GALNS: variants seen among roughly 807,000 people sequenced by gnomAD.
The protein encoded by GALNS is galactosamine (N-acetyl)-6-sulfatase.
In GALNS, 65 loss-of-function variants were observed where a neutral mutation model predicts 65.9. The ratio of observed to expected loss-of-function variants is 0.99; its 90% CI spans 0.81 to 1.21. The LOEUF (loss-of-function observed/expected upper bound fraction) is 1.21. GALNS is among the 50% of genes most tolerant of loss of function. GALNS has a pLI of 0.00. For missense variants in GALNS, 776 were observed against 700.7 expected (o/e 1.11, Z -1.21); for synonymous variants, 346 against 288.9 (o/e 1.20, Z -2.00).
chr16:88,856,144 C>T, intron 1 of GALNS: 1 of 702,526 alleles, frequency 1.4e-6, no homozygotes, highest in South Asian at 1.5e-5. Flanking sequence ...ACCCCTGACC[C>T]CGCACTTGCC....
At chr16:88,819,225 G>T (rs375303703) in intron 12 of GALNS, among the ~76,000 whole-genome samples, 3 of 143,540 alleles carry the variant, frequency 2.1e-5, no homozygotes, top group Non-Finnish European at 4.6e-5. Context: ...CTTTCTGCTC[G>T]ATCCACCCAC....
In GALNS at chr16:88,842,062, C is replaced by T. The variant is rs769040142; in HGVS notation, c.245-91G>A. The T allele has an allele frequency of 6.9e-5, 79 of 1,138,952 alleles. No homozygotes were observed. In the East Asian group the frequency reaches 1.9e-3, roughly 27 times the overall value. 70.6% of individuals were successfully genotyped at this position (1,138,952 alleles called of 1,614,324 possible). A position where few individuals can be genotyped will look rare whatever the true frequency, so the allele number is the denominator to read the frequency against. On this transcript the variant is annotated intron_variant, in intron 2 of 13. Coordinates refer to ENST00000268695, the MANE Select transcript of GALNS (RefSeq NM_000512.5). ...AAGAGCCCCAACGAGTAGACAGACG[C>T]GTGACAGACGAGGCACGCGCAGGTT... is the stretch of plus-strand genomic sequence containing the variant.
rs748796648 is a variant in GALNS, at chr16:88,822,662, T to C, written c.1291A>G (p.Asn431Asp). ...GGCAGCTTCGTGTGGTCTTCCAGAT[T>C]GTGAGTTGTGACCCCTGAAACGTTC... ...GQNVSGVTTH[N>D]LEDHTKLPLI... Residue 431 changes from asparagine (N) to aspartate (D), a missense_variant, in exon 12 of 14, where the codon AAT becomes GAT. Coordinates refer to ENST00000268695, the MANE Select transcript of GALNS (RefSeq NM_000512.5). 1.2e-6 allele frequency: 2 copies of C among 1,613,064 alleles called. No homozygotes were observed. The highest frequency in any genetic ancestry group is 1.1e-5 in the South Asian group (1 of 91,076).
intron 13 of GALNS, chr16:88,815,843 G>T: frequency 1.0e-6 from 1 of 984,678 alleles, no homozygotes; most frequent in Non-Finnish European, 1.2e-6. Context: ...CAGCCGCAGG[G>T]TGTGTTTGAG....
chr16:88,817,667 A>G (rs1909771284), intron 13 of GALNS, among the ~76,000 whole-genome samples: 1 of 152,030 alleles, frequency 6.6e-6, no homozygotes, highest in South Asian at 2.1e-4. Flanking sequence ...GGGACCCCGG[A>G]CCCTCTCACG....
In GALNS at chr16:88,814,499, CTT is replaced by C. The variant is rs753053516; in HGVS notation, c.1507_1508del (p.Lys503ValfsTer226). The C allele has an allele frequency of 6.4e-7, 1 of 1,560,342 alleles. No homozygotes were observed. The highest frequency in any genetic ancestry group is 8.7e-7 in the Non-Finnish European group (1 of 1,151,462). On this transcript the variant is annotated frameshift_variant, in exon 14 of 14. Transcript: ENST00000268695. LOFTEE classifies it high-confidence loss of function. ...CTGGAGGTGTCAGACACTTCCCTAACTTTTCACAGCCCGGAGGTGCCCAGTTC... is the reference window on the plus strand; with the variant it reads ...CTGGAGGTGTCAGACACTTCCCTAACTTCACAGCCCGGAGGTGCCCAGTTC... ...VMNWAPPGCE[K>X]LGKCLTPPES...
At chr16:88,830,956 C>G (rs1935540988) in intron 9 of GALNS, among the ~76,000 whole-genome samples, 1 of 152,198 alleles carries the variant, frequency 6.6e-6, no homozygotes, top group Admixed American at 6.5e-5. Context: ...CTTCTAGAAG[C>G]TCATGGTGCC....
chr16:88,829,107 G>C (rs72491942), intron 9 of GALNS, among the ~76,000 whole-genome samples: 5,076 of 140,328 alleles, frequency 0.036, 291 homozygotes, highest in Middle Eastern at 0.13. Flanking sequence ...CACAGTTCCT[G>C]AGTCTCATGC....
intron 13 of GALNS, 111 bp downstream of exon 13, chr16:88,817,896 G>C: frequency 1.1e-6 from 1 of 934,546 alleles, no homozygotes; most frequent in Non-Finnish European, 1.7e-6. Context: ...ACTGACGGAG[G>C]CGGGGAAGCA....
At chr16:88,851,696 CAGG>C (rs1770329335) in intron 1 of GALNS, among the ~76,000 whole-genome samples, 1 of 152,174 alleles carries the variant, frequency 6.6e-6, no homozygotes, top group Non-Finnish European at 1.5e-5. Context: ...AACGACACAC[CAGG>C]AGATTATATC....
chr16:88,847,462 A>T (rs2143007773), intron 1 of GALNS, among the ~76,000 whole-genome samples: 1 of 152,308 alleles, frequency 6.6e-6, no homozygotes, highest in South Asian at 2.1e-4. Context: ...ACTCACCCAC[A>T]GAGTAGGACT....
At position 88,824,781 on chromosome 16, in the gene GALNS, C is replaced by T; in HGVS notation, c.1228G>A (p.Glu410Lys). 2 of 1,613,372 alleles carry T rather than the reference C, an allele frequency of 1.2e-6. No individual in the cohort carries two copies. Among genetic ancestry groups the T allele is most frequent in the East Asian group, 2.2e-5 (1 of 44,878 alleles). ...AHFWTWTNSW[E>K]NFRQGIDFCP... ...GAGCCCTGTACCTGTCTGAAGTTCTCCCAGGAGTTGGTCCAGGTCCAGAAG... is the reference window on the plus strand; with the variant it reads ...GAGCCCTGTACCTGTCTGAAGTTCTTCCAGGAGTTGGTCCAGGTCCAGAAG... The change falls in exon 11 of 14, where the codon GAG becomes AAG. Residue 410 changes from glutamate (E) to lysine (K), a missense_variant. By Grantham distance (56) the Glu-to-Lys change is moderately conservative (BLOSUM62 1). Transcript: ENST00000268695.
intron 4 of GALNS, among the ~76,000 whole-genome samples, chr16:88,838,072 C>T (rs760627568): frequency 3.0e-4 from 45 of 152,190 alleles, no homozygotes; most frequent in Non-Finnish European, 4.4e-4. Flanking sequence ...GCCTGGAACC[C>T]GCCTGACATG....
chr16:88,853,887 TC>T (rs1967629593), intron 1 of GALNS, among the ~76,000 whole-genome samples: 1 of 152,166 alleles, frequency 6.6e-6, no homozygotes, highest in African/African-American at 2.4e-5. Context: ...CACCCCTGAG[TC>T]CCAGCTTCCC....
Position 88,822,637 on chromosome 16 carries a change from G to C in GALNS, c.1316C>G (p.Pro439Arg). The C allele has an allele frequency of 6.2e-7, 1 of 1,613,172 alleles. No homozygotes were observed. The highest frequency in any genetic ancestry group is 8.5e-7 in the Non-Finnish European group (1 of 1,179,898). ...GTCCCGTCCCAGGTGGAAGATCAGGGGCAGCTTCGTGTGGTCTTCCAGATT... is the reference window on the plus strand; with the variant it reads ...GTCCCGTCCCAGGTGGAAGATCAGGCGCAGCTTCGTGTGGTCTTCCAGATT... ...THNLEDHTKL[P>R]LIFHLGRDPG... The change falls in exon 12 of 14, where the codon CCC becomes CGC. Residue 439 changes from proline (P) to arginine (R), a missense_variant. Transcript: ENST00000268695.
intron 7 of GALNS, 39 bp from the exon 8 acceptor site, chr16:88,835,391 G>A (rs1018762634): frequency 1.2e-5 from 19 of 1,611,954 alleles, no homozygotes; most frequent in African/African-American, 4.0e-5. Context: ...ATACCTGGAG[G>A]ATGGTGACAA....
intron 1 of GALNS, among the ~76,000 whole-genome samples, chr16:88,850,656 A>G (rs1967464865): frequency 6.6e-6 from 1 of 152,110 alleles, no homozygotes; most frequent in African/African-American, 2.4e-5. Context: ...GCCAGGGGAG[A>G]AGGTGCGGGC....
intron 13 of GALNS, chr16:88,815,274 C>G: frequency 1.0e-6 from 1 of 985,472 alleles, no homozygotes; most frequent in Non-Finnish European, 1.2e-6. Flanking sequence ...TGGCTGAGGG[C>G]CTCCGAGGGC....
At chr16:88,855,076 T>G in intron 1 of GALNS, 2 of 418,892 alleles carry the variant, frequency 4.8e-6, no homozygotes, top group Non-Finnish European at 9.4e-6. Flanking sequence ...TGAGTCCACA[T>G]GCAATTCCCT....
Sources: gnomAD v4.1 joint callset for allele counts (sites outside exome capture counted in the v4.1 genomes callset) on GRCh38, gnomAD v4.1.1 for gene constraint, MANE v1.5 for transcripts, NCBI Gene and HGNC (gene_info 2026-07-23, HGNC 2026-07-21) for gene names.